FRAS1: variants seen among roughly 807,000 people sequenced by gnomAD.
FRAS1 encodes Fraser extracellular matrix complex subunit 1.
A neutral mutation model predicts 435.2 loss-of-function variants in FRAS1; 290 were observed. The observed-to-expected ratio is 0.67, with a 90% confidence interval of 0.61 to 0.73. FRAS1 has a LOEUF of 0.73. Ranked by LOEUF, FRAS1 falls within the 30% of genes least tolerant of loss-of-function variation. FRAS1 has a pLI of 0.00. For missense variants in FRAS1, 4,860 were observed against 5,001.5 expected, an observed-to-expected ratio of 0.97 and a Z score of 0.85; for synonymous variants, 1,800 against 1,851.0, an observed-to-expected ratio of 0.97 and a Z score of 0.71.
intron 51 of FRAS1, among the ~76,000 whole-genome samples, chr4:78,470,552 A>G (rs552727987): frequency 2.2e-4 from 33 of 152,278 alleles, no homozygotes; most frequent in Non-Finnish European, 4.0e-4. Context: ...GATTCTAACA[A>G]CTGTGGCTCA....
chr4:78,390,149 TA>T (rs1269706558), intron 29 of FRAS1, among the ~76,000 whole-genome samples: 1 of 152,250 alleles, frequency 6.6e-6, no homozygotes, highest in Admixed American at 6.5e-5. Flanking sequence ...GAATTCAAAA[TA>T]TTTTTTCCTT....
At chr4:78,271,314 A>T (rs912697395) in intron 9 of FRAS1, among the ~76,000 whole-genome samples, 2 of 151,980 alleles carry the variant, frequency 1.3e-5, no homozygotes, top group Middle Eastern at 6.8e-3. Flanking sequence ...TGTTTTCTCC[A>T]TTAATTTTTT....
chr4:78,283,039 C>T (rs766830028), intron 12 of FRAS1, 72 bp downstream of exon 12: 4 of 1,163,812 alleles, frequency 3.4e-6, no homozygotes, highest in Non-Finnish European at 3.4e-6. Context: ...CTCTTCCCCA[C>T]CCCCTTGCTT....
At chr4:78,341,250 T>C (rs1730386788) in intron 20 of FRAS1, among the ~76,000 whole-genome samples, 1 of 152,170 alleles carries the variant, frequency 6.6e-6, no homozygotes, top group African/African-American at 2.4e-5. Flanking sequence ...CAAAGAGGAT[T>C]ATTTATTGAG....
chr4:78,131,720 C>A (rs1429590640), intron 2 of FRAS1, among the ~76,000 whole-genome samples: 1 of 152,128 alleles, frequency 6.6e-6, no homozygotes, highest in African/African-American at 2.4e-5. Flanking sequence ...AACACTGGAG[C>A]ATTTGAGCAT....
intron 32 of FRAS1, among the ~76,000 whole-genome samples, chr4:78,416,045 GA>G (rs1733540014): frequency 6.6e-6 from 1 of 152,146 alleles, no homozygotes; most frequent in Non-Finnish European, 1.5e-5. Context: ...TATCAGCAGA[GA>G]AATGGATAAA....
At chr4:78,252,261 C>G in intron 4 of FRAS1, 131 bp from the exon 5 acceptor site, 2 of 860,150 alleles carry the variant, frequency 2.3e-6, no homozygotes, top group Non-Finnish European at 3.5e-6. Flanking sequence ...CTTGCAAGCT[C>G]ATAGCTTTAT....
rs552527828 is a variant in FRAS1, at chr4:78,481,929, C to G, written c.8569C>G (p.Arg2857Gly). Reference protein sequence around the residue: ...TPGVDYVPSSRKVEFGPGVIE... With the variant: ...TPGVDYVPSSGKVEFGPGVIE... ...AGGAGTTGACTACGTTCCCAGCTCT[C>G]GGAAGGTGGAATTTGGGCCTGGTGT... is the stretch of plus-strand genomic sequence containing the variant. Residue 2857 changes from arginine to glycine, a missense_variant, in exon 57 of 74, where the codon CGG becomes GGG. Arg to Gly is a moderately radical substitution (Grantham distance 125, BLOSUM62 -2). Coordinates refer to ENST00000512123, the MANE Select transcript of FRAS1 (RefSeq NM_025074.7). 3 of 1,613,824 alleles carry G rather than the reference C, an allele frequency of 1.9e-6. No individual in the cohort carries two copies. The East Asian group carries it at 6.7e-5, about 36-fold the overall frequency.
chr4:78,096,549 A>G (rs935413183), intron 2 of FRAS1, among the ~76,000 whole-genome samples: 9 of 152,144 alleles, frequency 5.9e-5, no homozygotes, highest in East Asian at 1.9e-4. Flanking sequence ...CATACATCCT[A>G]TGAAATCTAG....
At chr4:78,112,154 G>A (rs10027675) in intron 2 of FRAS1, among the ~76,000 whole-genome samples, 7,446 of 152,066 alleles carry the variant, frequency 0.049, 250 homozygotes, top group Middle Eastern at 0.085. Flanking sequence ...CTCCAAAGGA[G>A]AAAGGAAAAA....
intron 2 of FRAS1, among the ~76,000 whole-genome samples, chr4:78,154,938 C>A (rs747927348): frequency 2.0e-5 from 3 of 152,180 alleles, no homozygotes; most frequent in African/African-American, 4.8e-5. Flanking sequence ...TACCATTTTC[C>A]TGGCCCAGTG....
intron 2 of FRAS1, among the ~76,000 whole-genome samples, chr4:78,152,588 C>T (rs1025712542): frequency 4.9e-4 from 50 of 102,860 alleles, no homozygotes; most frequent in African/African-American, 1.6e-3. Flanking sequence ...TTTGTGTGTT[C>T]TTCATTTCAT....
chr4:78,328,986 C>A (rs534597687), intron 18 of FRAS1, among the ~76,000 whole-genome samples: 100 of 152,218 alleles, frequency 6.6e-4, no homozygotes, highest in African/African-American at 2.2e-3. Context: ...CCCAGAACAC[C>A]CAGAACTTTG....
intron 2 of FRAS1, among the ~76,000 whole-genome samples, chr4:78,177,015 T>C (rs1721802607): frequency 6.6e-6 from 1 of 151,972 alleles, no homozygotes; most frequent in Non-Finnish European, 1.5e-5. Context: ...CAATTGCCAA[T>C]AGGCAGGTTA....
At chr4:78,499,569 C>A (rs1720614675) in intron 60 of FRAS1, among the ~76,000 whole-genome samples, 152 bp from the exon 61 acceptor site, 1 of 152,154 alleles carries the variant, frequency 6.6e-6, no homozygotes, top group Admixed American at 6.5e-5. Flanking sequence ...GCAGTAAATA[C>A]TGATTGAGTT....
intron 58 of FRAS1, among the ~76,000 whole-genome samples, chr4:78,485,443 T>G (rs979156380): frequency 1.3e-5 from 2 of 152,178 alleles, no homozygotes; most frequent in East Asian, 1.9e-4. Context: ...AAAATTTTCT[T>G]TCAGAAAAGC....
chr4:78,235,149 C>T (rs916352429), intron 2 of FRAS1, among the ~76,000 whole-genome samples: 2 of 152,154 alleles, frequency 1.3e-5, no homozygotes, highest in African/African-American at 4.8e-5. Flanking sequence ...GATGAGTCCA[C>T]CCATATTACA....
In FRAS1 at chr4:78,468,494, T is replaced by TCAC. The variant is rs764843035; in HGVS notation, c.7258-1482_7258-1481insCCA. 5.1e-4 allele frequency among the ~76,000 whole-genome samples: 77 copies of TCAC among 151,976 alleles called. 1 individual carries two copies. Among genetic ancestry groups the TCAC allele is most frequent in the Non-Finnish European group, 9.4e-4 (64 of 67,900 alleles). On this transcript the variant is annotated intron_variant, in intron 50 of 73. Transcript: ENST00000512123. ...TAAACTGAAGCTGTAAACATCATCA[T>TCAC]CATCATCATCATCATCATCATCATC...
chr4:78,207,673 G>C (rs906845470), intron 2 of FRAS1, among the ~76,000 whole-genome samples: 5 of 152,138 alleles, frequency 3.3e-5, no homozygotes, highest in African/African-American at 1.2e-4. Flanking sequence ...GATTAGCAAA[G>C]TTACAGGGAG....
Sources: gnomAD v4.1 joint callset for allele counts (sites outside exome capture counted in the v4.1 genomes callset) on GRCh38, gnomAD v4.1.1 for gene constraint, MANE v1.5 for transcripts, NCBI Gene and HGNC (gene_info 2026-07-23, HGNC 2026-07-21) for gene names.